Variants in SLC26A4 observed in about 807,000 individuals in gnomAD.
The protein encoded by SLC26A4 is pendrin.
In SLC26A4, 93 loss-of-function variants were observed where a neutral mutation model predicts 90.4. The observed-to-expected ratio is 1.03, with a 90% CI of 0.87 to 1.22. The LOEUF (loss-of-function observed/expected upper bound fraction) is 1.22. Ranked by LOEUF, SLC26A4 falls within the 50% of genes most tolerant of loss-of-function variation. The pLI is 0.00. For missense variants in SLC26A4, 1,127 were observed against 946.2 expected (o/e 1.19, Z -2.51); for synonymous variants, 393 against 354.6 (o/e 1.11, Z -1.22).
chr7:107,715,794 C>G lies in SLC26A4; in HGVS notation c.*348C>G. 4 of 327,894 alleles carry G rather than the reference C, an allele frequency of 1.2e-5. No individual in the cohort carries two copies. In the South Asian group the frequency reaches 2.3e-4, roughly 19 times the overall value. 20.3% of individuals were successfully genotyped at this position (327,894 alleles called of 1,614,324 possible). A position where few individuals can be genotyped will look rare whatever the true frequency, so the allele number is the denominator to read the frequency against. ...CAACAGCCTCTGTGGTCAAGCGAGT[C>G]ACGAATGATTAATCATAAAGAAAAA... is the stretch of plus-strand genomic sequence containing the variant. On this transcript the variant is annotated 3_prime_UTR_variant, in exon 21 of 21. Transcript: ENST00000644269.
chr7:107,694,541 A>T (rs1791682833), intron 11 of SLC26A4, 61 bp downstream of exon 11: 1 of 1,523,570 alleles, frequency 6.6e-7, no homozygotes, highest in Admixed American at 1.7e-5. Context: ...CTGCTACCAG[A>T]TAAATAACAG....
intron 8 of SLC26A4, among the ~76,000 whole-genome samples, 179 bp downstream of exon 8, chr7:107,683,716 G>A (rs1366578016): frequency 2.6e-5 from 4 of 151,996 alleles, no homozygotes; most frequent in East Asian, 3.9e-4. Context: ...TAAACGTCAA[G>A]CCATTTGTTT....
rs1792363901 is a variant in SLC26A4 at position 107,717,050 on chromosome 7, AATC to A, written c.*1608_*1610del. ...GCACTACTTGCTTATATTGACAACAAATCATCTCGCTAAAGAGTGAATGTAGGC... is the reference window on the plus strand; with the variant it reads ...GCACTACTTGCTTATATTGACAACAAATCTCGCTAAAGAGTGAATGTAGGC... On this transcript the variant is annotated 3_prime_UTR_variant, in exon 21 of 21. Transcript: ENST00000644269. 6.6e-6 allele frequency: 1 copy of A among 152,164 alleles called. No homozygotes were observed. Among genetic ancestry groups the A allele is most frequent in the Admixed American group, 6.5e-5 (1 of 15,268 alleles). The allele number at this position is 152,164 out of a possible 1,614,324, so 9.4% of individuals were successfully genotyped here. A position where few individuals can be genotyped will look rare whatever the true frequency, so the allele number is the denominator to read the frequency against.
chr7:107,680,131 TATATAATATAATCTTATCTTATTATATA>T (rs1791171614), intron 6 of SLC26A4, among the ~76,000 whole-genome samples: 1 of 120,510 alleles, frequency 8.3e-6, no homozygotes, highest in Non-Finnish European at 1.6e-5. Context: ...CTTATCTTAT[TATATAATATAATCTTATCTTATTATATA>T]ATATAATCTT....
intron 10 of SLC26A4, chr7:107,693,418 A>G: frequency 1.0e-6 from 1 of 985,388 alleles, no homozygotes; most frequent in South Asian, 4.7e-5. Flanking sequence ...TTCTGTTTAT[A>G]TTTGCTGTGT....
chr7:107,697,566 C>T (rs749743954), intron 13 of SLC26A4, among the ~76,000 whole-genome samples: 3 of 152,148 alleles, frequency 2.0e-5, no homozygotes, highest in Non-Finnish European at 4.4e-5. Flanking sequence ...TCTCCTATTT[C>T]TATAAAAAAT....
At chr7:107,682,133 T>TAAAAAAAAAA (rs1401520972) in intron 6 of SLC26A4, among the ~76,000 whole-genome samples, 36 of 40,908 alleles carry the variant, frequency 8.8e-4, no homozygotes, top group African/African-American at 2.4e-3. Flanking sequence ...AAAAAAAATT[T>TAAAAAAAAAA]TTTTTATGTT....
chr7:107,683,113 A>T, intron 6 of SLC26A4, 89 bp from the exon 7 acceptor site: 1 of 956,026 alleles, frequency 1.0e-6, no homozygotes, highest in Non-Finnish European at 1.6e-6. Flanking sequence ...GGGAAGATTC[A>T]TATGAGAATT....
intron 6 of SLC26A4, among the ~76,000 whole-genome samples, chr7:107,680,086 T>A (rs1163942218): frequency 8.0e-6 from 1 of 125,324 alleles, no homozygotes; most frequent in Non-Finnish European, 1.6e-5. Flanking sequence ...TATTCTTATC[T>A]TATTATATAA....
chr7:107,697,315 T>G (rs1791767999), intron 13 of SLC26A4, among the ~76,000 whole-genome samples: 1 of 152,230 alleles, frequency 6.6e-6, no homozygotes, highest in Non-Finnish European at 1.5e-5. Context: ...GCTGCTAGTT[T>G]GGTATCTAGG....
intron 6 of SLC26A4, among the ~76,000 whole-genome samples, chr7:107,679,459 A>G (rs1384644671): frequency 1.3e-5 from 2 of 152,230 alleles, no homozygotes; most frequent in East Asian, 1.9e-4. Flanking sequence ...AAACAAAAAT[A>G]AATTCAGTTC....
intron 20 of SLC26A4, among the ~76,000 whole-genome samples, chr7:107,713,057 C>G (rs373013231): frequency 5.8e-4 from 88 of 152,324 alleles, no homozygotes; most frequent in African/African-American, 2.0e-3. Flanking sequence ...ACACTCTCCC[C>G]ACCCTAGACT....
intron 6 of SLC26A4, among the ~76,000 whole-genome samples, chr7:107,681,716 C>T (rs1000382297): frequency 2.0e-5 from 3 of 152,198 alleles, no homozygotes; most frequent in Middle Eastern, 3.4e-3. Flanking sequence ...TCCTTGAAAA[C>T]ACCCTTGATT....
intron 8 of SLC26A4, among the ~76,000 whole-genome samples, chr7:107,686,810 G>A (rs899357961): frequency 1.3e-5 from 2 of 152,080 alleles, no homozygotes; most frequent in Admixed American, 1.3e-4. Flanking sequence ...CAAGTTATAG[G>A]TGGCCCGCAG....
chr7:107,671,056 C>A (rs1338545978), intron 3 of SLC26A4, among the ~76,000 whole-genome samples: 2 of 152,154 alleles, frequency 1.3e-5, no homozygotes, highest in African/African-American at 4.8e-5. Flanking sequence ...GGAGAAAGGG[C>A]AGTGTAACAA....
chr7:107,707,001 CTACAAAAAA>C (rs1280061174), intron 18 of SLC26A4, among the ~76,000 whole-genome samples: 1 of 152,032 alleles, frequency 6.6e-6, no homozygotes, highest in Admixed American at 6.6e-5. Flanking sequence ...AACGCCGTTA[CTACAAAAAA>C]TACAAAAAAT....
rs759690314 is a variant in SLC26A4, at chr7:107,663,344, C to A, written c.213C>A (p.Ile71=). The A allele has an allele frequency of 6.2e-7, 1 of 1,614,154 alleles. No individual in the cohort carries two copies. The highest frequency in any genetic ancestry group is 1.7e-5 in the Admixed American group (1 of 60,030). ...AFGVLKTLVP[I]LEWLPKYRVK... is the part of the protein sequence containing the mutation. ...GTGTGCTAAAGACTCTTGTGCCCAT[C>A]TTGGAGTGGCTCCCCAAATACCGAG... The change falls in exon 3 of 21, where the codon ATC becomes ATA. Residue 71 remains isoleucine, a synonymous_variant. Coordinates refer to ENST00000644269, the MANE Select transcript of SLC26A4 (RefSeq NM_000441.2).
At chr7:107,683,753 T>C (rs1050536350) in intron 8 of SLC26A4, among the ~76,000 whole-genome samples, 3 of 152,182 alleles carry the variant, frequency 2.0e-5, no homozygotes, top group African/African-American at 7.2e-5. Context: ...TGCTCTTTTT[T>C]CTTCATTTTC....
intron 6 of SLC26A4, among the ~76,000 whole-genome samples, chr7:107,675,336 AAAAAATCC>A (rs1336336180): frequency 1.4e-5 from 2 of 147,598 alleles, no homozygotes; most frequent in African/African-American, 5.2e-5. Context: ...AAAAAGAAAG[AAAAAATCC>A]AAAAATCCGA....
Sources: allele counts gnomAD v4.1 joint callset (sites outside exome capture counted in the v4.1 genomes callset), GRCh38; gene constraint gnomAD v4.1.1; transcripts MANE v1.5; gene names NCBI Gene and HGNC (gene_info 2026-07-23, HGNC 2026-07-21).